Variants in PCDH11X observed in about 807,000 individuals in gnomAD.
The protein encoded by PCDH11X is protocadherin 11 X-linked.
Under a neutral mutation model 53.3 loss-of-function variants are expected in PCDH11X, and 18 were observed. That is an observed-to-expected ratio of 0.34 (90% CI 0.23 to 0.50). PCDH11X has a LOEUF of 0.50. PCDH11X is among the 20% of genes least tolerant of loss of function. PCDH11X has a pLI of 0.98. For missense variants in PCDH11X, 570 were observed against 1,032.4 expected, an observed-to-expected ratio of 0.55 and a Z score of 6.14; for synonymous variants, 279 against 393.3, an observed-to-expected ratio of 0.71 and a Z score of 3.44.
At position 92,097,410 on chromosome X, in the gene PCDH11X, A is replaced by G. The variant is rs2064158501; in HGVS notation, c.3034-103965A>G. ...GGGAAACAGACTGAGCCCTTGTCTC[A>G]GAAAAAAAAAAAAAAAATTGAAAAA... On this transcript the variant is annotated intron_variant, in intron 6 of 10. Coordinates refer to ENST00000682573, the MANE Select transcript of PCDH11X (RefSeq NM_032968.5). Among the ~76,000 whole-genome samples, 3 of 101,308 alleles carry G rather than the reference A, an allele frequency of 3.0e-5. No individual in the cohort carries two copies. The Admixed American group carries it at 3.5e-4, about 12-fold the overall frequency. 88.0% of individuals were successfully genotyped at this position (101,308 alleles called of 115,157 possible). A position where few individuals can be genotyped will look rare whatever the true frequency, so the allele number is the denominator to read the frequency against.
intron 8 of PCDH11X, among the ~76,000 whole-genome samples, chrX:92,311,490 A>G (rs2068949657): frequency 8.9e-6 from 1 of 111,786 alleles, no homozygotes; most frequent in African/African-American, 3.2e-5. Flanking sequence ...CAAGTAGTCA[A>G]ATATATCAGA....
intron 8 of PCDH11X, among the ~76,000 whole-genome samples, chrX:92,299,740 A>C: frequency 9.1e-6 from 1 of 109,785 alleles, no homozygotes; most frequent in African/African-American, 3.3e-5. Context: ...TGTCTTATTA[A>C]TTTTTTTCAA....
At chrX:92,202,964 A>G (rs1294486671) in intron 7 of PCDH11X, among the ~76,000 whole-genome samples, 1 of 111,576 alleles carries the variant, frequency 9.0e-6, no homozygotes, top group Non-Finnish European at 1.9e-5. Context: ...CAGAGCTTGC[A>G]GTGAGCTGAG....
In PCDH11X at chrX:92,381,645, A is replaced by C. The variant is rs1191269055; in HGVS notation, c.3145-6090A>C. Among the ~76,000 whole-genome samples, 3 of 111,964 alleles carry C rather than the reference A, an allele frequency of 2.7e-5. No homozygotes were observed. In the East Asian group the frequency reaches 8.4e-4, roughly 31 times the overall value. On this transcript the variant is annotated intron_variant, in intron 8 of 10. Coordinates refer to ENST00000682573, the MANE Select transcript of PCDH11X (RefSeq NM_032968.5). ...GGTTTTTCCTCTTTCGTTGTATGCT[A>C]CAAAATTATTCCAACATCTAATCCA...
chrX:91,973,777 G>A (rs969981835), intron 6 of PCDH11X, among the ~76,000 whole-genome samples: 4 of 107,010 alleles, frequency 3.7e-5, no homozygotes, highest in African/African-American at 6.8e-5. Context: ...ACCATGCCTG[G>A]CTAATTTTTG....
At chrX:92,456,577 A>G (rs1035529951) in intron 9 of PCDH11X, among the ~76,000 whole-genome samples, 1 of 111,436 alleles carries the variant, frequency 9.0e-6, no homozygotes, top group Admixed American at 9.6e-5. Flanking sequence ...TTAAATCTGT[A>G]TCTTCTAATC....
intron 6 of PCDH11X, among the ~76,000 whole-genome samples, chrX:92,149,157 A>G (rs2065384324): frequency 9.0e-6 from 1 of 110,534 alleles, no homozygotes; most frequent in Non-Finnish European, 1.9e-5. Flanking sequence ...GACAAAGCAG[A>G]TGTGTACTTT....
intron 5 of PCDH11X, among the ~76,000 whole-genome samples, chrX:91,838,222 C>A: frequency 8.9e-6 from 1 of 111,904 alleles, no homozygotes; most frequent in South Asian, 3.7e-4. Flanking sequence ...AGCCTGCTGG[C>A]ATAATTTTAG....
chrX:91,814,423 C>G (rs1034943644), intron 4 of PCDH11X, among the ~76,000 whole-genome samples: 1 of 109,556 alleles, frequency 9.1e-6, no homozygotes, highest in African/African-American at 3.3e-5. Context: ...TATAATCATT[C>G]GTCTTTTAAA....
intron 6 of PCDH11X, among the ~76,000 whole-genome samples, chrX:92,036,831 C>G (rs1315610678): frequency 1.8e-5 from 2 of 110,339 alleles, no homozygotes; most frequent in African/African-American, 6.6e-5. Flanking sequence ...AATGGCTTTG[C>G]CCAAGATTCT....
At chrX:92,533,027 A>G (rs1301034258) in intron 10 of PCDH11X, among the ~76,000 whole-genome samples, 1 of 110,449 alleles carries the variant, frequency 9.1e-6, no homozygotes, top group East Asian at 2.9e-4. Context: ...CCCACAACAC[A>G]TGGGAATTAT....
intron 4 of PCDH11X, among the ~76,000 whole-genome samples, chrX:91,814,761 AC>A (rs2147567171): frequency 1.1e-5 from 1 of 89,981 alleles, no homozygotes; most frequent in Non-Finnish European, 2.2e-5. Context: ...AACGCTACTC[AC>A]CCTCAGTGAG....
chrX:92,616,827 G>C (rs753193044), intron 10 of PCDH11X, among the ~76,000 whole-genome samples: 13 of 110,548 alleles, frequency 1.2e-4, no homozygotes, highest in African/African-American at 4.3e-4. Context: ...TCAATTGTGG[G>C]ACCACTGACA....
chrX:91,932,078 G>A (rs996094150), intron 6 of PCDH11X, among the ~76,000 whole-genome samples: 2 of 110,981 alleles, frequency 1.8e-5, no homozygotes, highest in Non-Finnish European at 3.8e-5. Context: ...AGAACATGCA[G>A]TATTTGATTT....
In PCDH11X at chrX:91,965,371, T is replaced by C. The variant is rs1307604914; in HGVS notation, c.3033+86098T>C. On this transcript the variant is annotated intron_variant, in intron 6 of 10. Transcript: ENST00000682573. ...TCACACAATGTATTATTTTTGTATG[T>C]CAAGCATGCAGGTGGGCCCTTGAAA... Among the ~76,000 whole-genome samples, 6 of 110,236 alleles carry C rather than the reference T, an allele frequency of 5.4e-5. No individual in the cohort carries two copies. The East Asian group carries it at 1.7e-3, about 31-fold the overall frequency.
chrX:92,142,486 C>A (rs1484059025), intron 6 of PCDH11X, among the ~76,000 whole-genome samples: 6 of 110,495 alleles, frequency 5.4e-5, no homozygotes, highest in African/African-American at 2.0e-4. Context: ...TTCCAAAGTA[C>A]TGGGATTACA....
chrX:91,835,783 T>A lies in PCDH11X; in HGVS notation c.279T>A (p.Arg93=). ...EIFTTGARID[R]EKLCAGIPRD... ...TCACTACTGGCGCTCGCATTGATCG[T>A]GAGAAATTATGTGCTGGTATCCCAA... The change falls in exon 5 of 11, where the codon CGT becomes CGA. Residue 93 remains arginine, a synonymous_variant. Coordinates refer to ENST00000682573, the MANE Select transcript of PCDH11X (RefSeq NM_032968.5). 1 of 1,211,202 alleles carries A rather than the reference T, an allele frequency of 8.3e-7. No homozygotes were observed. Among genetic ancestry groups the A allele is most frequent in the South Asian group, 1.8e-5 (1 of 56,955 alleles).
At chrX:92,603,145 G>A (rs1161042377) in intron 10 of PCDH11X, among the ~76,000 whole-genome samples, 2 of 105,060 alleles carry the variant, frequency 1.9e-5, no homozygotes, top group Non-Finnish European at 3.9e-5. Flanking sequence ...ATTGACTAGA[G>A]TGATTCAACA....
At chrX:91,823,974 CT>C (rs1051306971) in intron 4 of PCDH11X, among the ~76,000 whole-genome samples, 15 of 110,699 alleles carry the variant, frequency 1.4e-4, no homozygotes, top group Non-Finnish European at 2.8e-4. Flanking sequence ...GTTGAAAATT[CT>C]TTCCTTTAAG....
Sources: gnomAD v4.1 joint callset for allele counts (sites outside exome capture counted in the v4.1 genomes callset) on GRCh38, gnomAD v4.1.1 for gene constraint, MANE v1.5 for transcripts, NCBI Gene and HGNC (gene_info 2026-07-23, HGNC 2026-07-21) for gene names.